ADCY8: variants seen among roughly 807,000 people sequenced by gnomAD.
ADCY8 encodes adenylate cyclase type 8.
In ADCY8, 51 loss-of-function variants were observed where a neutral mutation model predicts 119.7. The observed-to-expected ratio is 0.43, with a 90% CI of 0.34 to 0.54. ADCY8 has a LOEUF of 0.54. Ranked by LOEUF, ADCY8 falls within the 20% of genes least tolerant of loss-of-function variation. The probability of loss-of-function intolerance (pLI) is 0.03; values close to 1 mark genes in which losing one functional copy is unlikely to be tolerated. For synonymous variants in ADCY8, 665 were observed against 651.0 expected, an observed-to-expected ratio of 1.02 and a Z score of -0.33; for missense variants, 1,383 against 1,598.8, an observed-to-expected ratio of 0.87 and a Z score of 2.30.
At chr8:130,981,692 G>A (rs748204616) in intron 2 of ADCY8, among the ~76,000 whole-genome samples, 4 of 152,064 alleles carry the variant, frequency 2.6e-5, no homozygotes, top group African/African-American at 4.8e-5. Flanking sequence ...TTGAATCAAG[G>A]GTAGCATTAA....
At chr8:130,983,021 T>C in intron 2 of ADCY8, among the ~76,000 whole-genome samples, 1 of 152,172 alleles carries the variant, frequency 6.6e-6, no homozygotes, top group South Asian at 2.1e-4. Flanking sequence ...CTCACAAATA[T>C]ATGCAGAGTG....
chr8:130,814,930 C>T (rs989544525), intron 13 of ADCY8, among the ~76,000 whole-genome samples: 6 of 152,208 alleles, frequency 3.9e-5, no homozygotes, highest in African/African-American at 1.4e-4. Context: ...CTTACTGTTA[C>T]AGACTGAATG....
chr8:130,980,792 G>C (rs902513281), intron 2 of ADCY8, among the ~76,000 whole-genome samples: 7 of 152,192 alleles, frequency 4.6e-5, no homozygotes, highest in African/African-American at 1.7e-4. Flanking sequence ...GGCCGATCAA[G>C]AGTAGTGTCA....
chr8:130,857,778 T>A (rs552321596), intron 9 of ADCY8, among the ~76,000 whole-genome samples: 1 of 152,338 alleles, frequency 6.6e-6, no homozygotes, highest in East Asian at 1.9e-4. Context: ...CTTTAAAATG[T>A]TATAGCTAGG....
chr8:130,876,169 G>C (rs1818555858), intron 8 of ADCY8, among the ~76,000 whole-genome samples: 1 of 151,974 alleles, frequency 6.6e-6, no homozygotes, highest in Non-Finnish European at 1.5e-5. Context: ...TTGTGCCTCA[G>C]CCTCCCGAGT....
At chr8:131,037,240 C>T (rs1425385773) in intron 1 of ADCY8, among the ~76,000 whole-genome samples, 2 of 152,100 alleles carry the variant, frequency 1.3e-5, no homozygotes, top group East Asian at 3.8e-4. Context: ...ATTGAATGAG[C>T]TTAGTTTACA....
At chr8:130,896,196 G>A (rs1257584910) in intron 7 of ADCY8, among the ~76,000 whole-genome samples, 4 of 152,124 alleles carry the variant, frequency 2.6e-5, no homozygotes, top group Admixed American at 2.6e-4. Flanking sequence ...TGTTCACAGT[G>A]AGCCTGCTGA....
chr8:130,848,151 A>T (rs1013807662), intron 10 of ADCY8, among the ~76,000 whole-genome samples: 1 of 152,182 alleles, frequency 6.6e-6, no homozygotes, highest in Admixed American at 6.5e-5. Flanking sequence ...TAACTTGTCC[A>T]GTGTCACTGA....
intron 2 of ADCY8, among the ~76,000 whole-genome samples, chr8:130,979,693 C>G (rs1390921943): frequency 6.6e-6 from 1 of 152,116 alleles, no homozygotes; most frequent in Non-Finnish European, 1.5e-5. Flanking sequence ...TTTTCAAATT[C>G]CTCATCTATA....
At chr8:130,846,110 G>A (rs573909740) in intron 11 of ADCY8, among the ~76,000 whole-genome samples, 1 of 152,224 alleles carries the variant, frequency 6.6e-6, no homozygotes, top group South Asian at 2.1e-4. Flanking sequence ...CAATTCTTAG[G>A]CCTAGAAGAG....
At chr8:130,797,828 AC>A (rs1375299136) in intron 15 of ADCY8, among the ~76,000 whole-genome samples, 1 of 152,074 alleles carries the variant, frequency 6.6e-6, no homozygotes, top group Non-Finnish European at 1.5e-5. Flanking sequence ...GACCCCCCAC[AC>A]CCATCCCAGG....
intron 2 of ADCY8, among the ~76,000 whole-genome samples, chr8:130,965,550 G>T (rs763916425): frequency 2.0e-5 from 3 of 152,108 alleles, no homozygotes; most frequent in Non-Finnish European, 4.4e-5. Flanking sequence ...TACATCATGA[G>T]AGTCACACAT....
intron 1 of ADCY8, among the ~76,000 whole-genome samples, chr8:131,014,768 T>G (rs1195045053): frequency 6.6e-6 from 1 of 152,228 alleles, no homozygotes; most frequent in African/African-American, 2.4e-5. Flanking sequence ...TGGGACTTAC[T>G]TCATAGGTTG....
At chr8:130,797,867 A>G (rs1815635539) in intron 15 of ADCY8, among the ~76,000 whole-genome samples, 1 of 152,244 alleles carries the variant, frequency 6.6e-6, no homozygotes, top group African/African-American at 2.4e-5. Context: ...GTTTGAGCTT[A>G]TGACTTCAAA....
At chr8:130,873,655 A>G (rs1818447872) in intron 8 of ADCY8, among the ~76,000 whole-genome samples, 1 of 152,112 alleles carries the variant, frequency 6.6e-6, no homozygotes, top group African/African-American at 2.4e-5. Flanking sequence ...AGGTGAGATT[A>G]CAGAATCTTC....
At chr8:130,994,694 TA>T (rs748896498) in intron 1 of ADCY8, among the ~76,000 whole-genome samples, 3 of 152,272 alleles carry the variant, frequency 2.0e-5, no homozygotes, top group Non-Finnish European at 2.9e-5. Context: ...CAGTTGTTTT[TA>T]AATTTTATAT....
At chr8:130,859,146 A>G (rs1179534845) in intron 9 of ADCY8, among the ~76,000 whole-genome samples, 2 of 152,146 alleles carry the variant, frequency 1.3e-5, no homozygotes, top group African/African-American at 2.4e-5. Flanking sequence ...GGCCCTCTCC[A>G]CTGACAGAGG....
At position 130,951,711 on chromosome 8, in the gene ADCY8, A is replaced by G. The variant is rs754973155; in HGVS notation, c.1241+157T>C. On this transcript the variant is annotated intron_variant, in intron 3 of 17. Transcript: ENST00000286355. ...TTCTCTAGCCTTAATTTGGAAATGT[A>G]GAACTCTCTGATGAATAATCACTAG... Among the ~76,000 whole-genome samples the G allele has an allele frequency of 4.1e-4, 62 of 152,216 alleles. 2 individuals carry two copies. Among genetic ancestry groups the G allele is most frequent in the Admixed American group, 2.6e-4 (4 of 15,278 alleles).
In ADCY8 at chr8:130,818,054, A is replaced by C. The variant is rs1816398477; in HGVS notation, c.2754+3288T>G. Among the ~76,000 whole-genome samples, 4 of 152,336 alleles carry C rather than the reference A, an allele frequency of 2.6e-5. No homozygotes were observed. In the South Asian group the frequency reaches 8.3e-4, roughly 32 times the overall value. On this transcript the variant is annotated intron_variant, in intron 13 of 17. Transcript: ENST00000286355. ...AACCTGAATCTCACCAAGCTTCTGG[A>C]CAGAAATACAGTACAAACAAAACAA...
Sources: gnomAD v4.1 joint callset for allele counts (sites outside exome capture counted in the v4.1 genomes callset) on GRCh38, gnomAD v4.1.1 for gene constraint, MANE v1.5 for transcripts, NCBI Gene and HGNC (gene_info 2026-07-23, HGNC 2026-07-21) for gene names.